Variants in DGKD observed in about 807,000 individuals in gnomAD.
The protein encoded by DGKD is diacylglycerol kinase delta.
In DGKD, 68 loss-of-function variants were observed where a neutral mutation model predicts 154.4. The observed-to-expected ratio is 0.44, with a 90% confidence interval of 0.36 to 0.54. The LOEUF (loss-of-function observed/expected upper bound fraction) is 0.54. Ranked by LOEUF, DGKD falls within the 20% of genes least tolerant of loss-of-function variation. The pLI is 0.00. For synonymous variants in DGKD, 693 were observed against 638.0 expected (o/e 1.09, Z -1.30); for missense variants, 1,343 against 1,593.6 (o/e 0.84, Z 2.68).
At position 233,452,258 on chromosome 2, in the gene DGKD, A is replaced by G. The variant is rs2063319012; in HGVS notation, c.2264+198A>G. On this transcript the variant is annotated intron_variant, in intron 18 of 29. Transcript: ENST00000264057. The surrounding 1 kb of genome is among the most constrained non-coding windows in gnomAD (Gnocchi z 4.0). ...ACTACTGCACATCTGCTGCAGAGGCAAAGCGCACGCCTCCCATCTCCTTCC... is the reference window on the plus strand; with the variant it reads ...ACTACTGCACATCTGCTGCAGAGGCGAAGCGCACGCCTCCCATCTCCTTCC... Among the ~76,000 whole-genome samples the G allele has an allele frequency of 6.6e-6, 1 of 152,224 alleles. No homozygotes were observed. The highest frequency in any genetic ancestry group is 2.1e-4 in the South Asian group (1 of 4,834).
rs188091935 is a variant in DGKD, at chr2:233,366,351, G to A, written c.156+11677G>A. Among the ~76,000 whole-genome samples, 460 of 152,326 alleles carry A rather than the reference G, an allele frequency of 3.0e-3. 3 individuals are homozygous for A. Among genetic ancestry groups the A allele is most frequent in the African/African-American group, 0.011 (437 of 41,572 alleles). The stretch of plus-strand genomic sequence containing the variant: ...TGCTGGCAGCCTGGGCCTGTGCTGT[G>A]GCTGTGGCGATGGGGGAAGTAGCTG... On this transcript the variant is annotated intron_variant, in intron 1 of 29. Coordinates refer to ENST00000264057, the MANE Select transcript of DGKD (RefSeq NM_152879.3).
intron 27 of DGKD, 129 bp downstream of exon 27, chr2:233,464,412 C>G (rs1345530143): frequency 1.8e-6 from 2 of 1,118,916 alleles, no homozygotes; most frequent in African/African-American, 3.1e-5. Context: ...CCTGAGGGGC[C>G]TTCTCCAGAC....
At position 233,441,765 on chromosome 2, in the gene DGKD, C is replaced by T; in HGVS notation, c.1086-122C>T. Reference sequence around the variant, plus strand: ...TGTCACGTGGCAGGGCCTGTGCGTGCTCTGCCTCTGGTGCAGGTCAGCCAT... The same window carrying T: ...TGTCACGTGGCAGGGCCTGTGCGTGTTCTGCCTCTGGTGCAGGTCAGCCAT... On this transcript the variant is annotated intron_variant, in intron 9 of 29. Coordinates refer to ENST00000264057, the MANE Select transcript of DGKD (RefSeq NM_152879.3). The surrounding 1 kb of genome is among the most constrained non-coding windows in gnomAD (Gnocchi z 5.6). 2 of 854,744 alleles carry T rather than the reference C, an allele frequency of 2.3e-6. No individual in the cohort carries two copies. The highest frequency in any genetic ancestry group is 4.8e-5 in the Admixed American group (2 of 41,630). 52.9% of individuals were successfully genotyped at this position (854,744 alleles called of 1,614,324 possible).
At position 233,358,557 on chromosome 2, in the gene DGKD, C is replaced by T. The variant is rs549762533; in HGVS notation, c.156+3883C>T. The stretch of plus-strand genomic sequence containing the variant: ...AGTCAATTTTAGAACATTTTCATCA[C>T]CCCGTTTCCTCTCAACTCCCTCAAC... On this transcript the variant is annotated intron_variant, in intron 1 of 29. Transcript: ENST00000264057. Among the ~76,000 whole-genome samples, 10 of 152,322 alleles carry T rather than the reference C, an allele frequency of 6.6e-5. No homozygotes were observed. In the South Asian group the frequency reaches 1.5e-3, roughly 22 times the overall value.
intron 1 of DGKD, among the ~76,000 whole-genome samples, chr2:233,384,121 C>T (rs1703041330): frequency 6.6e-6 from 1 of 152,174 alleles, no homozygotes; most frequent in Non-Finnish European, 1.5e-5. Context: ...TGTTATCTTG[C>T]TTTCTCCTGT....
intron 26 of DGKD, chr2:233,463,854 C>T: frequency 2.8e-6 from 1 of 355,608 alleles, no homozygotes; most frequent in South Asian, 3.9e-5. Context: ...ACAGCATTTC[C>T]ACTGCTTGAC....
chr2:233,463,660 G>GCACGCATCTCCTCACTC (rs1311384250), intron 26 of DGKD, among the ~76,000 whole-genome samples: 2 of 35,716 alleles, frequency 5.6e-5, no homozygotes, highest in African/African-American at 1.6e-4. Context: ...TGTCCTCACT[G>GCACGCATCTCCTCACTC]CACGCATCTC....
chr2:233,436,483 C>T (rs759812486), intron 7 of DGKD, 42 bp downstream of exon 7: 2 of 1,595,288 alleles, frequency 1.3e-6, no homozygotes, highest in South Asian at 1.1e-5. Flanking sequence ...GGAGGGCTTG[C>T]TCCCTACCGT....
rs567028494 is a variant in DGKD at position 233,442,533 on chromosome 2, A to G, written c.1194+538A>G. On this transcript the variant is annotated intron_variant, in intron 10 of 29. Coordinates refer to ENST00000264057, the MANE Select transcript of DGKD (RefSeq NM_152879.3). Reference sequence around the variant, plus strand: ...ATTTTGCTGTCTCTGACCTCTCTTGATCACAGTACATACAATGCACAGTGC... The same window carrying G: ...ATTTTGCTGTCTCTGACCTCTCTTGGTCACAGTACATACAATGCACAGTGC... 159 of 268,630 alleles carry G rather than the reference A, an allele frequency of 5.9e-4. 1 individual carries two copies. The Admixed American group carries it at 6.5e-3, about 11-fold the overall frequency. The allele number at this position is 268,630 out of a possible 1,614,324, so 16.6% of individuals were successfully genotyped here. A position where few individuals can be genotyped will look rare whatever the true frequency, so the allele number is the denominator to read the frequency against.
At chr2:233,387,495 C>T (rs142683704) in intron 1 of DGKD, among the ~76,000 whole-genome samples, 108 of 152,106 alleles carry the variant, frequency 7.1e-4, no homozygotes, top group Non-Finnish European at 1.4e-3. Flanking sequence ...TAGTTAGTTA[C>T]GCATTTGATG....
At chr2:233,446,224 C>T (rs764195484) in intron 11 of DGKD, among the ~76,000 whole-genome samples, 40 of 152,264 alleles carry the variant, frequency 2.6e-4, no homozygotes, top group Admixed American at 2.1e-3. Flanking sequence ...GAGTGACACA[C>T]TTGGCACTCA....
Position 233,438,751 on chromosome 2 carries a change from CTATCATCT to C in DGKD, c.1085+373_1085+380del, listed in dbSNP as rs773995298. Among the ~76,000 whole-genome samples, 3,728 of 96,700 alleles carry C rather than the reference CTATCATCT, an allele frequency of 0.039. 64 individuals are homozygous for C. Among genetic ancestry groups the C allele is most frequent in the Non-Finnish European group, 0.055 (2,669 of 48,794 alleles). 63.4% of individuals were successfully genotyped at this position (96,700 alleles called of 152,430 possible). ...TATAATTTTTTATTTATCTGTCTAT[CTATCATCT>C]ATCTATCTATCTATCTATCTATCTA... On this transcript the variant is annotated intron_variant, in intron 9 of 29. Transcript: ENST00000264057. The surrounding 1 kb of genome is among the most constrained non-coding windows in gnomAD (Gnocchi z 4.1).
At chr2:233,397,027 G>GGA (rs1559501374) in intron 3 of DGKD, among the ~76,000 whole-genome samples, 1,904 of 9,828 alleles carry the variant, frequency 0.19, 714 homozygotes, top group African/African-American at 0.23. Flanking sequence ...GGGGGGGGGG[G>GGA]CGCCAGAGTG....
At chr2:233,468,333 C>A in intron 28 of DGKD, 90 bp from the exon 29 acceptor site, 1 of 1,530,208 alleles carries the variant, frequency 6.5e-7, no homozygotes, top group Non-Finnish European at 8.9e-7. Context: ...TGTCCTGGCA[C>A]TGGGCTCTCG....
intron 1 of DGKD, among the ~76,000 whole-genome samples, chr2:233,363,484 T>C (rs1701881870): frequency 6.6e-6 from 1 of 152,188 alleles, no homozygotes; most frequent in Non-Finnish European, 1.5e-5. Flanking sequence ...AGTAAAAATA[T>C]TACAGTAAGC....
chr2:233,400,279 A>T (rs1008151232), intron 3 of DGKD, among the ~76,000 whole-genome samples: 1 of 152,244 alleles, frequency 6.6e-6, no homozygotes, highest in Non-Finnish European at 1.5e-5. Flanking sequence ...GGTGCTCCCC[A>T]TAGCCAGGCT....
At chr2:233,436,492 G>C (rs113206952) in intron 7 of DGKD, 51 bp downstream of exon 7, 2 of 1,585,236 alleles carry the variant, frequency 1.3e-6, no homozygotes, top group African/African-American at 2.7e-5. Context: ...GCTCCCTACC[G>C]TGCCCATGCG....
chr2:233,365,259 T>C lies in DGKD; in HGVS notation c.156+10585T>C, dbSNP rs148559183. On this transcript the variant is annotated intron_variant, in intron 1 of 29. Coordinates refer to ENST00000264057, the MANE Select transcript of DGKD (RefSeq NM_152879.3). Reference sequence around the variant, plus strand: ...TTTTTTTTTTTTTGGGAGACGGAGTTTCGCTCTGTTGCCCAGACTGGAGTG... The same window carrying C: ...TTTTTTTTTTTTTGGGAGACGGAGTCTCGCTCTGTTGCCCAGACTGGAGTG... Among the ~76,000 whole-genome samples the C allele has an allele frequency of 3.2e-3, 480 of 151,948 alleles. 1 individual carries two copies. Among genetic ancestry groups the C allele is most frequent in the African/African-American group, 0.011 (445 of 41,420 alleles).
intron 1 of DGKD, among the ~76,000 whole-genome samples, chr2:233,380,493 C>T (rs1702832251): frequency 6.6e-6 from 1 of 152,200 alleles, no homozygotes; most frequent in African/African-American, 2.4e-5. Flanking sequence ...GGCACTGAGA[C>T]TACACGTGTT....
Sources: gnomAD v4.1 joint callset for allele counts (sites outside exome capture counted in the v4.1 genomes callset) on GRCh38, gnomAD v4.1.1 for gene constraint, Gnocchi (gnomAD v3.1) non-coding constraint, MANE v1.5 for transcripts, NCBI Gene and HGNC (gene_info 2026-07-23, HGNC 2026-07-21) for gene names.